Variants in TMEM131L observed in about 807,000 individuals in gnomAD.
TMEM131L encodes the protein transmembrane 131 like, also known as transmembrane protein 131-like.
A neutral mutation model predicts 192.2 loss-of-function variants in TMEM131L; 54 were observed. The ratio of observed to expected loss-of-function variants is 0.28; its 90% CI spans 0.23 to 0.35. The LOEUF is 0.35. Among genes scored for constraint, TMEM131L ranks in the 10% least tolerant of loss-of-function variants. TMEM131L has a pLI of 1.00. For synonymous variants in TMEM131L, 701 were observed against 704.9 expected, an observed-to-expected ratio of 0.99 and a Z score of 0.09; for missense variants, 1,888 against 1,972.9, an observed-to-expected ratio of 0.96 and a Z score of 0.82.
At chr4:153,587,699 AG>A (rs1730789436) in intron 14 of TMEM131L, 42 bp from the exon 15 acceptor site, 10 of 1,358,746 alleles carry the variant, frequency 7.4e-6, no homozygotes, top group Non-Finnish European at 9.5e-6. Flanking sequence ...TTTTATGTTT[AG>A]TGCTGTGTTT....
chr4:153,494,030 T>C (rs759609282), intron 3 of TMEM131L, among the ~76,000 whole-genome samples: 9 of 152,048 alleles, frequency 5.9e-5, no homozygotes, highest in Non-Finnish European at 1.0e-4. Context: ...CTAGAATTGT[T>C]GTGGGTAAGG....
chr4:153,582,425 TTTTTGTTG>T lies in TMEM131L; in HGVS notation c.893-760_893-753del, dbSNP rs1234872992. On this transcript the variant is annotated intron_variant, in intron 9 of 34. Transcript: ENST00000409959. ...ATGCCTGGCTAATTTAAACCGTTTT[TTTTTGTTG>T]TTTTTTTTTTTTTTTTTTTTTTTTT... Among the ~76,000 whole-genome samples, 962 of 124,632 alleles carry T rather than the reference TTTTTGTTG, an allele frequency of 7.7e-3. 199 individuals are homozygous for T. The highest frequency in any genetic ancestry group is 0.043 in the African/African-American group (905 of 21,084). 81.8% of individuals were successfully genotyped at this position (124,632 alleles called of 152,430 possible).
At chr4:153,598,569 A>T (rs776987253) in intron 20 of TMEM131L, 21 bp from the exon 21 acceptor site, 2 of 1,605,426 alleles carry the variant, frequency 1.2e-6, no homozygotes, top group Admixed American at 3.3e-5. Context: ...GCCTTTTTAT[A>T]TCTATTTCCT....
At chr4:153,534,317 C>T (rs1000150344) in intron 3 of TMEM131L, among the ~76,000 whole-genome samples, 1 of 152,048 alleles carries the variant, frequency 6.6e-6, no homozygotes, top group Non-Finnish European at 1.5e-5. Flanking sequence ...TGGAAACAAC[C>T]GGTCAAGGGA....
rs768231296 is a variant in TMEM131L, at chr4:153,634,224, A to G, written c.4361A>G (p.Gln1454Arg). The G allele has an allele frequency of 1.2e-6, 2 of 1,614,192 alleles. No individual in the cohort carries two copies. The highest frequency in any genetic ancestry group is 1.7e-5 in the Admixed American group (1 of 60,020). The stretch of plus-strand genomic sequence containing the variant: ...GATTGGAGTGCAACATGCGAAGGCC[A>G]GTTTTCCAGCGCATACTGTCCATTG... ...FIDWSATCEG[Q>R]FSSAYCPLEL... is the part of the protein sequence containing the mutation. Residue 1454 changes from glutamine to arginine, a missense_variant, in exon 33 of 35, where the codon CAG (glutamine) becomes CGG (arginine). Coordinates refer to ENST00000409959, the MANE Select transcript of TMEM131L (RefSeq NM_001131007.2).
chr4:153,624,067 T>G (rs6811765), intron 29 of TMEM131L, among the ~76,000 whole-genome samples: 2,496 of 152,168 alleles, frequency 0.016, 66 homozygotes, highest in African/African-American at 0.057. Context: ...GAAATCATAC[T>G]TCAGTGTAGC....
intron 3 of TMEM131L, among the ~76,000 whole-genome samples, chr4:153,537,095 C>T (rs541760275): frequency 5.9e-5 from 9 of 152,334 alleles, no homozygotes; most frequent in African/African-American, 2.2e-4. Flanking sequence ...CCCTCACGGA[C>T]ACACCCAGGA....
intron 3 of TMEM131L, among the ~76,000 whole-genome samples, chr4:153,477,683 C>CT (rs1291987369): frequency 8.6e-5 from 13 of 151,744 alleles, no homozygotes; most frequent in South Asian, 4.2e-4. Context: ...AATCTATGTG[C>CT]TTTTTTATTT....
At chr4:153,523,699 C>T (rs369331577) in intron 3 of TMEM131L, among the ~76,000 whole-genome samples, 53 of 152,168 alleles carry the variant, frequency 3.5e-4, no homozygotes, top group African/African-American at 1.2e-3. Flanking sequence ...TTTCATGGAT[C>T]GTTATCATAT....
At chr4:153,616,004 G>A (rs1321048355) in intron 26 of TMEM131L, among the ~76,000 whole-genome samples, 1 of 152,130 alleles carries the variant, frequency 6.6e-6, no homozygotes, top group African/African-American at 2.4e-5. Context: ...CTGAGGGCAT[G>A]GGTCTTGCCG....
intron 9 of TMEM131L, among the ~76,000 whole-genome samples, chr4:153,582,400 A>G (rs1245498670): frequency 1.0e-5 from 1 of 96,418 alleles, no homozygotes; most frequent in South Asian, 3.3e-4. Context: ...GCACACCACT[A>G]TGCCTGGCTA....
At chr4:153,599,202 A>G (rs923624834) in intron 21 of TMEM131L, among the ~76,000 whole-genome samples, 1 of 152,234 alleles carries the variant, frequency 6.6e-6, no homozygotes, top group Non-Finnish European at 1.5e-5. Context: ...AAGCAGGAGC[A>G]CGAGAGGGGA....
intron 3 of TMEM131L, among the ~76,000 whole-genome samples, chr4:153,477,275 G>C (rs1419645386): frequency 6.6e-6 from 1 of 152,164 alleles, no homozygotes; most frequent in African/African-American, 2.4e-5. Context: ...TCTCAGACTT[G>C]ATATGACACG....
chr4:153,522,833 G>C (rs1340421486), intron 3 of TMEM131L, among the ~76,000 whole-genome samples: 1 of 152,032 alleles, frequency 6.6e-6, no homozygotes, highest in African/African-American at 2.4e-5. Context: ...CCCCTTCCTG[G>C]AGGGCCTCCC....
At position 153,569,510 on chromosome 4, in the gene TMEM131L, C is replaced by T. The variant is rs13126123; in HGVS notation, c.660+11142C>T. ...CAATATCCGGTACAGTTTATCAGAG[C>T]TTTTGTGATGCGATTAAATAACAGT... On this transcript the variant is annotated intron_variant, in intron 7 of 34. Transcript: ENST00000409959. 5.6e-3 allele frequency among the ~76,000 whole-genome samples: 849 copies of T among 152,308 alleles called. 3 individuals are homozygous for T. Among genetic ancestry groups the T allele is most frequent in the Non-Finnish European group, 9.8e-3 (664 of 68,032 alleles).
chr4:153,547,159 G>T (rs1474553355), intron 3 of TMEM131L, among the ~76,000 whole-genome samples: 3 of 152,204 alleles, frequency 2.0e-5, no homozygotes, highest in Non-Finnish European at 4.4e-5. Flanking sequence ...AAATTGGCAT[G>T]GTTTTATTTC....
intron 8 of TMEM131L, 96 bp from the exon 9 acceptor site, chr4:153,581,311 C>A (rs1730322149): frequency 1.1e-6 from 1 of 889,840 alleles, no homozygotes; most frequent in Non-Finnish European, 1.7e-6. Context: ...CACACACGTC[C>A]CATTACGTTA....
At chr4:153,569,107 C>T (rs1328723185) in intron 7 of TMEM131L, among the ~76,000 whole-genome samples, 1 of 152,192 alleles carries the variant, frequency 6.6e-6, no homozygotes, top group Non-Finnish European at 1.5e-5. Context: ...TAGGTAATTC[C>T]TTGACCTCCA....
intron 32 of TMEM131L, among the ~76,000 whole-genome samples, chr4:153,633,548 G>T (rs1206320468): frequency 6.6e-6 from 1 of 152,088 alleles, no homozygotes; most frequent in African/African-American, 2.4e-5. Flanking sequence ...AGTTTTAAAA[G>T]ATCAAATAAT....
Sources: gnomAD v4.1 joint callset for allele counts (sites outside exome capture counted in the v4.1 genomes callset) on GRCh38, gnomAD v4.1.1 for gene constraint, MANE v1.5 for transcripts, NCBI Gene and HGNC (gene_info 2026-07-23, HGNC 2026-07-21) for gene names.